EP300: variants seen among roughly 807,000 people sequenced by gnomAD.
EP300 encodes the protein histone acetyltransferase p300.
In EP300, 31 loss-of-function variants were observed where a neutral mutation model predicts 264.0. The observed-to-expected ratio is 0.12, with a 90% CI of 0.09 to 0.16. EP300 has a LOEUF of 0.16. Among genes scored for constraint, EP300 ranks in the 10% least tolerant of loss-of-function variants. The pLI is 1.00. For missense variants in EP300, 2,766 were observed against 3,052.9 expected (o/e 0.91, Z 2.21); for synonymous variants, 1,340 against 1,045.4 (o/e 1.28, Z -5.44).
chr22:41,148,285 TCTC>T (rs923217508), intron 12 of EP300, among the ~76,000 whole-genome samples: 23 of 152,190 alleles, frequency 1.5e-4, no homozygotes, highest in African/African-American at 5.5e-4. Context: ...AGACTAGGCT[TCTC>T]CTGCTCCTTA....
intron 1 of EP300, among the ~76,000 whole-genome samples, chr22:41,102,868 T>C (rs1356114985): frequency 6.6e-6 from 1 of 152,160 alleles, no homozygotes; most frequent in African/African-American, 2.4e-5. Context: ...TATTTATTTA[T>C]TTATTTTGAG....
At chr22:41,137,413 G>C (rs1407361594) in intron 7 of EP300, among the ~76,000 whole-genome samples, 5 of 146,460 alleles carry the variant, frequency 3.4e-5, no homozygotes, top group Non-Finnish European at 7.5e-5. Context: ...GAAGTCTTAT[G>C]ATATCTTGTG....
chr22:41,153,808 T>C (rs1468920403), intron 16 of EP300, among the ~76,000 whole-genome samples: 1 of 152,246 alleles, frequency 6.6e-6, no homozygotes, highest in African/African-American at 2.4e-5. Flanking sequence ...ATAGTCCTTA[T>C]TTTTAGCACA....
In EP300 at chr22:41,179,736, T is replaced by A. The variant is rs1388018757; in HGVS notation, c.*780T>A. 1.7e-5 allele frequency: 4 copies of A among 230,234 alleles called. No individual in the cohort carries two copies. Among genetic ancestry groups the A allele is most frequent in the African/African-American group, 8.9e-5 (4 of 45,030 alleles). 14.3% of individuals were successfully genotyped at this position (230,234 alleles called of 1,614,324 possible). A position where few individuals can be genotyped will look rare whatever the true frequency, so the allele number is the denominator to read the frequency against. On this transcript the variant is annotated 3_prime_UTR_variant, in exon 31 of 31. Coordinates refer to ENST00000263253, the MANE Select transcript of EP300 (RefSeq NM_001429.4). ...TTGTGGTTTCTGTTTCTTGAAAGAATTTTTTTCGTTATTTTTACATCTAAC... is the reference window on the plus strand; with the variant it reads ...TTGTGGTTTCTGTTTCTTGAAAGAAATTTTTTCGTTATTTTTACATCTAAC...
intron 27 of EP300, among the ~76,000 whole-genome samples, chr22:41,170,942 C>T (rs1342415319): frequency 4.7e-5 from 7 of 149,416 alleles, no homozygotes; most frequent in East Asian, 2.0e-4. Context: ...GGATTACAGG[C>T]ATGAGCCACC....
intron 3 of EP300, among the ~76,000 whole-genome samples, chr22:41,126,606 G>C (rs767289568): frequency 6.6e-6 from 1 of 151,790 alleles, no homozygotes; most frequent in Non-Finnish European, 1.5e-5. Flanking sequence ...TCCTCTTTCA[G>C]ATGTTTTAGT....
intron 27 of EP300, among the ~76,000 whole-genome samples, chr22:41,171,409 T>C (rs1839433885): frequency 6.6e-6 from 1 of 152,174 alleles, no homozygotes. Context: ...TGATACCCGC[T>C]CATTGCAACC....
intron 19 of EP300, chr22:41,158,709 C>T: frequency 1.8e-6 from 1 of 547,590 alleles, no homozygotes; most frequent in Non-Finnish European, 3.3e-6. Context: ...ACCTGGGTTC[C>T]TCCCAAGAGC....
chr22:41,167,616 ATATATATATATATATAT>A lies in EP300; in HGVS notation c.3875-832_3875-816del, dbSNP rs2059145321. Among the ~76,000 whole-genome samples, 6 of 48,446 alleles carry A rather than the reference ATATATATATATATATAT, an allele frequency of 1.2e-4. No individual in the cohort carries two copies. In the Admixed American group the frequency reaches 1.3e-3, roughly 10 times the overall value. 31.8% of individuals were successfully genotyped at this position (48,446 alleles called of 152,430 possible). A position where few individuals can be genotyped will look rare whatever the true frequency, so the allele number is the denominator to read the frequency against. On this transcript the variant is annotated intron_variant, in intron 23 of 30. Coordinates refer to ENST00000263253, the MANE Select transcript of EP300 (RefSeq NM_001429.4). ...TATATATATATATATATATATATAT[ATATATATATATATATAT>A]ATAATGTTTGGTTGGTTGGGTTTTT... is the stretch of plus-strand genomic sequence containing the variant.
intron 2 of EP300, among the ~76,000 whole-genome samples, chr22:41,119,858 A>C (rs949346684): frequency 1.3e-5 from 2 of 152,162 alleles, no homozygotes; most frequent in African/African-American, 4.8e-5. Context: ...GCTGTTGCCC[A>C]TGCTGGAGTG....
At chr22:41,112,501 G>A (rs779599237) in intron 1 of EP300, among the ~76,000 whole-genome samples, 14 of 152,094 alleles carry the variant, frequency 9.2e-5, no homozygotes, top group Non-Finnish European at 1.6e-4. Flanking sequence ...GCCTGGCCAA[G>A]ATGAATCTTA....
rs771622894 is a variant in EP300, at chr22:41,135,878, A to T, written c.1594A>T (p.Met532Leu). 1 of 1,614,088 alleles carries T rather than the reference A, an allele frequency of 6.2e-7. No homozygotes were observed. The highest frequency in any genetic ancestry group is 1.6e-4 in the Middle Eastern group (1 of 6,062). The part of the protein sequence containing the change: ...VQTPSLLSDS[M>L]LHSAINSQNP... ...AACGCCGAGTCTTCTTTCTGACTCA[A>T]TGTTGCATTCAGCCATAAATTCTCA... Residue 532 changes from methionine to leucine, a missense_variant, in exon 7 of 31, where the codon ATG becomes TTG. Physicochemically the swap from Met to Leu is conservative, Grantham distance 15. Transcript: ENST00000263253.
At chr22:41,138,787 T>C (rs2058966222) in intron 8 of EP300, among the ~76,000 whole-genome samples, 1 of 152,220 alleles carries the variant, frequency 6.6e-6, no homozygotes, top group South Asian at 2.1e-4. Context: ...GGGTCGTCTT[T>C]ACTGTATCCA....
Position 41,162,825 on chromosome 22 carries a change from T to C in EP300, c.3728+46T>C, listed in dbSNP as rs757385181. 1.9e-5 allele frequency: 29 copies of C among 1,528,412 alleles called. 2 individuals are homozygous for C. In the South Asian group the frequency reaches 2.0e-4, roughly 11 times the overall value. 94.7% of individuals were successfully genotyped at this position (1,528,412 alleles called of 1,614,324 possible). ...TAGTCAGTACGCTTTGGCTTTTCTT[T>C]TTCCCTTTCATTCTCTTGAAGTTTG... On this transcript the variant is annotated intron_variant, in intron 21 of 30. Coordinates refer to ENST00000263253, the MANE Select transcript of EP300 (RefSeq NM_001429.4).
chr22:41,157,960 C>T (rs1165274825), intron 18 of EP300, among the ~76,000 whole-genome samples: 1 of 152,244 alleles, frequency 6.6e-6, no homozygotes, highest in Non-Finnish European at 1.5e-5. Context: ...GTTAACTCAT[C>T]TGGAGTAGGG....
intron 21 of EP300, among the ~76,000 whole-genome samples, chr22:41,163,228 G>A (rs1447876635): frequency 6.8e-6 from 1 of 146,930 alleles, no homozygotes; most frequent in African/African-American, 2.5e-5. Context: ...GAGGTCAGGA[G>A]ATCGAGACCA....
chr22:41,168,558 T>A lies in EP300; in HGVS notation c.3984T>A (p.Ala1328=), dbSNP rs1308482912. The part of the protein sequence containing the change: ...SGEVTVRVVH[A]SDKTVEVKPG... Reference sequence around the variant, plus strand: ...AGGTCACTGTTAGAGTAGTTCATGCTTCTGACAAAACCGTGGAAGTAAAAC... The same window carrying A: ...AGGTCACTGTTAGAGTAGTTCATGCATCTGACAAAACCGTGGAAGTAAAAC... The change falls in exon 24 of 31, where the codon GCT becomes GCA. Residue 1328 remains alanine (A), a synonymous_variant. Transcript: ENST00000263253. The A allele has an allele frequency of 6.2e-7, 1 of 1,614,086 alleles. No individual in the cohort carries two copies. Among genetic ancestry groups the A allele is most frequent in the Non-Finnish European group, 8.5e-7 (1 of 1,180,030 alleles).
intron 1 of EP300, among the ~76,000 whole-genome samples, chr22:41,101,260 A>G (rs1374629614): frequency 6.6e-6 from 1 of 151,456 alleles, no homozygotes; most frequent in Non-Finnish European, 1.5e-5. Context: ...TTTTTAGTAG[A>G]GATAGGGTTT....
At position 41,152,370 on chromosome 22, in the gene EP300, C is replaced by G. The variant is rs763828488; in HGVS notation, c.3142+20C>G. On this transcript the variant is annotated intron_variant, in intron 16 of 30. Transcript: ENST00000263253. ...AAAAGAGTGAGTCTCTGAAGCCATTCGTTCTGGAGGTAGCTGAAGAAACCA... is the reference window on the plus strand; with the variant it reads ...AAAAGAGTGAGTCTCTGAAGCCATTGGTTCTGGAGGTAGCTGAAGAAACCA... The G allele has an allele frequency of 6.2e-7, 1 of 1,607,238 alleles. No individual in the cohort carries two copies. Among genetic ancestry groups the G allele is most frequent in the Non-Finnish European group, 8.5e-7 (1 of 1,176,192 alleles).
Sources: gnomAD v4.1 joint callset for allele counts (sites outside exome capture counted in the v4.1 genomes callset) on GRCh38, gnomAD v4.1.1 for gene constraint, MANE v1.5 for transcripts, NCBI Gene and HGNC (gene_info 2026-07-23, HGNC 2026-07-21) for gene names.